Variants in CFAP43 observed in about 807,000 individuals in gnomAD.
The protein encoded by CFAP43 is cilia- and flagella-associated protein 43.
Under a neutral mutation model 218.9 loss-of-function variants are expected in CFAP43, and 155 were observed. The ratio of observed to expected loss-of-function variants is 0.71; its 90% CI spans 0.62 to 0.81. The LOEUF is 0.81. Among genes scored for constraint, CFAP43 ranks in the 30% least tolerant of loss-of-function variants. The pLI, the probability that CFAP43 is intolerant of heterozygous loss-of-function variation, is 0.00. For missense variants in CFAP43, 1,778 were observed against 1,954.3 expected (o/e 0.91, Z 1.70); for synonymous variants, 645 against 681.3 (o/e 0.95, Z 0.83).
chr10:104,164,397 A>AC, intron 23 of CFAP43, 97 bp from the exon 24 acceptor site: 1 of 1,052,552 alleles, frequency 9.5e-7, no homozygotes, highest in Non-Finnish European at 1.3e-6. Context: ...ATCATTCCAC[A>AC]AATTTTTTTT....
At position 104,130,247 on chromosome 10, in the gene CFAP43, C is replaced by T. The variant is rs1418665476; in HGVS notation, c.4890G>A (p.Gln1630=). 1 of 1,613,110 alleles carries T rather than the reference C, an allele frequency of 6.2e-7. No homozygotes were observed. Among genetic ancestry groups the T allele is most frequent in the Non-Finnish European group, 8.5e-7 (1 of 1,179,866 alleles). The change falls in exon 38 of 38, where the codon CAG becomes CAA. Residue 1630 remains glutamine, a synonymous_variant. Transcript: ENST00000357060. ...VKERYENMMQ[Q]QKLTNISKQQ... ...GTTTTGAAATATTTGTTAACTTCTGCTGTTGCATCATGTTTTCATACCGTT... is the reference window on the plus strand; with the variant it reads ...GTTTTGAAATATTTGTTAACTTCTGTTGTTGCATCATGTTTTCATACCGTT...
intron 12 of CFAP43, among the ~76,000 whole-genome samples, chr10:104,189,671 C>T (rs185891483): frequency 1.1e-3 from 173 of 152,246 alleles, no homozygotes; most frequent in Non-Finnish European, 1.9e-3. Context: ...GGGTTCTATT[C>T]CCAGCTTCTT....
intron 3 of CFAP43, among the ~76,000 whole-genome samples, chr10:104,216,421 C>G (rs2091013295): frequency 6.6e-6 from 1 of 152,184 alleles, no homozygotes; most frequent in African/African-American, 2.4e-5. Flanking sequence ...GACTCAGTGG[C>G]TGTCCAACTG....
chr10:104,220,503 T>C (rs2091146867), intron 3 of CFAP43, among the ~76,000 whole-genome samples: 1 of 151,918 alleles, frequency 6.6e-6, no homozygotes, highest in Admixed American at 6.6e-5. Flanking sequence ...TAAAAGAGCT[T>C]AGAAACCAAA....
In CFAP43 at chr10:104,145,075, GT is replaced by G. The variant is rs1271472391; in HGVS notation, c.3944+400del. Among the ~76,000 whole-genome samples the G allele has an allele frequency of 3.3e-5, 5 of 152,162 alleles. No individual in the cohort carries two copies. The East Asian group carries it at 9.6e-4, about 29-fold the overall frequency. ...TAACCCAGTATTTTCCCCAAACTTA[GT>G]TAGTCCTGGAAGCCTATTACAAGTA... is the stretch of plus-strand genomic sequence containing the variant. On this transcript the variant is annotated intron_variant, in intron 31 of 37. Transcript: ENST00000357060.
chr10:104,212,386 A>G (rs2090891494), intron 4 of CFAP43, among the ~76,000 whole-genome samples: 2 of 152,266 alleles, frequency 1.3e-5, no homozygotes, highest in Admixed American at 6.5e-5. Context: ...GAAAGTTAAT[A>G]TCTAAAGCAG....
rs368030296 is a variant in CFAP43 at position 104,164,112 on chromosome 10, A to G, written c.3228T>C (p.Leu1076=). ...CCAGTACCTCCTCATCTTGCACAAC[A>G]AGCGTTCTCTCTGGCTTCTCACAGT... ...FEDCEKPERT[L]VVQDEEITAH... Residue 1076 remains leucine (L), a synonymous_variant, in exon 24 of 38, where the codon CTT becomes CTC. Coordinates refer to ENST00000357060, the MANE Select transcript of CFAP43 (RefSeq NM_025145.7). 9.9e-6 allele frequency: 16 copies of G among 1,614,078 alleles called. No homozygotes were observed. Among genetic ancestry groups the G allele is most frequent in the Non-Finnish European group, 1.4e-5 (16 of 1,180,040 alleles).
intron 28 of CFAP43, among the ~76,000 whole-genome samples, chr10:104,150,824 A>T (rs1429228531): frequency 6.6e-6 from 1 of 151,948 alleles, no homozygotes; most frequent in Non-Finnish European, 1.5e-5. Flanking sequence ...TGTACAGATT[A>T]TTTTGTCACC....
chr10:104,224,923 T>C (rs915066153), intron 3 of CFAP43, among the ~76,000 whole-genome samples: 22 of 152,096 alleles, frequency 1.4e-4, no homozygotes, highest in African/African-American at 3.1e-4. Context: ...GCTTATATCA[T>C]GGATAGAAAA....
intron 16 of CFAP43, among the ~76,000 whole-genome samples, chr10:104,183,519 A>G (rs938924054): frequency 2.0e-5 from 3 of 151,728 alleles, no homozygotes; most frequent in African/African-American, 7.3e-5. Flanking sequence ...CCTCCCGAGT[A>G]GCTGGGACTA....
intron 27 of CFAP43, among the ~76,000 whole-genome samples, chr10:104,159,956 A>G (rs564230180): frequency 1.3e-5 from 2 of 152,304 alleles, no homozygotes; most frequent in Non-Finnish European, 2.9e-5. Context: ...GGAAAAATGG[A>G]GTAGCATTGC....
At chr10:104,220,915 T>C (rs527385953) in intron 3 of CFAP43, among the ~76,000 whole-genome samples, 1 of 152,278 alleles carries the variant, frequency 6.6e-6, no homozygotes, top group East Asian at 1.9e-4. Context: ...AAATTTTATG[T>C]AACCACTACT....
intron 1 of CFAP43, among the ~76,000 whole-genome samples, chr10:104,231,782 A>G (rs1019441522): frequency 6.6e-6 from 1 of 152,202 alleles, no homozygotes. Flanking sequence ...AACTTTGGGG[A>G]AAATCACCAA....
intron 15 of CFAP43, 77 bp downstream of exon 15, chr10:104,185,897 T>A: frequency 7.4e-7 from 1 of 1,356,396 alleles, no homozygotes; most frequent in African/African-American, 1.5e-5. Context: ...AAGCAAATTT[T>A]TATATACATA....
chr10:104,189,296 C>G (rs1351739017), intron 12 of CFAP43, among the ~76,000 whole-genome samples: 1 of 152,124 alleles, frequency 6.6e-6, no homozygotes, highest in Non-Finnish European at 1.5e-5. Flanking sequence ...AAATAAGAAC[C>G]TTCCTCCAAC....
intron 28 of CFAP43, among the ~76,000 whole-genome samples, chr10:104,152,272 T>C (rs2088299581): frequency 6.6e-6 from 1 of 152,138 alleles, no homozygotes. Flanking sequence ...AAATACAGTA[T>C]ATAATAGAAA....
rs773962548 is a variant in CFAP43 at position 104,133,651 on chromosome 10, T to C, written c.4565A>G (p.Gln1522Arg). ...EDLNQKAWDI[Q>R]MLFFSRDRQK... is the part of the protein sequence containing the mutation. Reference sequence around the variant, plus strand: ...ACGATCTCTTGAAAAAAATAGCATCTGAATATCCCAAGCCTTCTGATTTAG... The same window carrying C: ...ACGATCTCTTGAAAAAAATAGCATCCGAATATCCCAAGCCTTCTGATTTAG... The change falls in exon 35 of 38, where the codon CAG becomes CGG. Residue 1522 changes from glutamine (Q) to arginine (R), a missense_variant. Transcript: ENST00000357060. 5 of 1,612,750 alleles carry C rather than the reference T, an allele frequency of 3.1e-6. No individual in the cohort carries two copies. The East Asian group carries it at 1.1e-4, about 36-fold the overall frequency.
Position 104,143,472 on chromosome 10 carries a change from T to C in CFAP43, c.4112A>G (p.Asn1371Ser). Residue 1371 changes from asparagine (N) to serine (S), a missense_variant, in exon 32 of 38, where the codon AAT becomes AGT. Physicochemically the swap from Asn to Ser is conservative, Grantham distance 46. Around this residue, in one of 3 missense-constraint regions of CFAP43, gnomAD observed 1,553 missense variants for 1,685.2 expected, o/e 0.92. Transcript: ENST00000357060. ...TGCTCGTCTTGTCATGCAGAAATGA[T>C]TCCAGACCAAAGGGTCCAAGCCTTC... ...MPEGLDPLVWNHFCMTRRAKV... is the reference protein window; with the variant it reads ...MPEGLDPLVWSHFCMTRRAKV... The C allele has an allele frequency of 6.2e-7, 1 of 1,614,230 alleles. No individual in the cohort carries two copies. Among genetic ancestry groups the C allele is most frequent in the Non-Finnish European group, 8.5e-7 (1 of 1,180,040 alleles).
At chr10:104,132,692 C>A (rs999787723) in intron 35 of CFAP43, 3 of 985,134 alleles carry the variant, frequency 3.0e-6, no homozygotes. Flanking sequence ...CATTCATGTA[C>A]ACTAATTATT....
Sources: gnomAD v4.1 joint callset for allele counts (sites outside exome capture counted in the v4.1 genomes callset) on GRCh38, gnomAD v4.1.1 for gene constraint, gnomAD v4.1.1 regional missense constraint, MANE v1.5 for transcripts, NCBI Gene and HGNC (gene_info 2026-07-23, HGNC 2026-07-21) for gene names.